Variants in PALLD observed in about 807,000 individuals in gnomAD.
PALLD encodes the protein palladin.
PALLD carries 61 observed loss-of-function variants against 123.5 expected under a neutral mutation model. The ratio of observed to expected loss-of-function variants is 0.49; its 90% confidence interval spans 0.40 to 0.61. The LOEUF is 0.61. PALLD is among the 20% of genes least tolerant of loss of function. PALLD has a pLI of 0.00. For synonymous variants in PALLD, 465 were observed against 496.4 expected (o/e 0.94, Z 0.84); for missense variants, 1,273 against 1,377.0 (o/e 0.92, Z 1.20).
At chr4:168,510,966 G>C (rs1000421804) in intron 1 of PALLD, among the ~76,000 whole-genome samples, 1 of 152,144 alleles carries the variant, frequency 6.6e-6, no homozygotes, top group Non-Finnish European at 1.5e-5. Context: ...CACATAACTG[G>C]AGACAATAAA....
chr4:168,679,375 GGTGTGTGTGT>G (rs142511113), intron 3 of PALLD, among the ~76,000 whole-genome samples: 8 of 118,340 alleles, frequency 6.8e-5, no homozygotes, highest in Admixed American at 1.6e-4. Flanking sequence ...GATGTGTGTG[GGTGTGTGTGT>G]GTGTGTGGTG....
intron 10 of PALLD, among the ~76,000 whole-genome samples, chr4:168,880,464 C>A (rs1752459924): frequency 1.3e-5 from 2 of 152,188 alleles, no homozygotes; most frequent in Non-Finnish European, 2.9e-5. Flanking sequence ...GTTTTGTCCT[C>A]AAGGAATTTT....
intron 2 of PALLD, among the ~76,000 whole-genome samples, chr4:168,531,211 G>C (rs549858253): frequency 6.6e-6 from 1 of 152,050 alleles, no homozygotes; most frequent in East Asian, 1.9e-4. Flanking sequence ...TCTACTATTT[G>C]TCAGAATGTT....
intron 6 of PALLD, among the ~76,000 whole-genome samples, chr4:168,687,639 C>T (rs17054480): frequency 0.055 from 8,444 of 152,260 alleles, 268 homozygotes; most frequent in African/African-American, 0.088. Context: ...CCGGGCTTTC[C>T]TGCATGGGTC....
intron 10 of PALLD, among the ~76,000 whole-genome samples, chr4:168,745,789 G>A (rs530195197): frequency 1.4e-5 from 2 of 143,438 alleles, no homozygotes; most frequent in South Asian, 2.1e-4. Context: ...AACTACCTGC[G>A]CTAGTTTGCA....
rs748622351 is a variant in PALLD at position 168,898,685 on chromosome 4, T to G, written c.2443T>G (p.Cys815Gly). ...IFEGMPVTFT[C>G]RVAGNPKPKI... ...TGAGGGAATGCCAGTAACTTTCACA[T>G]GTAGAGTGGCTGGAAATCCAAAGCC... The change falls in exon 14 of 22, where the codon TGT (cysteine) becomes GGT (glycine). Residue 815 changes from cysteine to glycine, a missense_variant. Around this residue, in one of 2 missense-constraint regions of PALLD, gnomAD observed 329 missense variants for 422.5 expected, o/e 0.78. Transcript: ENST00000505667. The G allele has an allele frequency of 6.2e-7, 1 of 1,613,802 alleles. No homozygotes were observed. The highest frequency in any genetic ancestry group is 8.5e-7 in the Non-Finnish European group (1 of 1,179,678).
At position 168,512,183 on chromosome 4, in the gene PALLD, C is replaced by G; in HGVS notation, c.679C>G (p.Gln227Glu). 1 of 1,613,806 alleles carries G rather than the reference C, an allele frequency of 6.2e-7. No homozygotes were observed. Among genetic ancestry groups the G allele is most frequent in the Non-Finnish European group, 8.5e-7 (1 of 1,179,816 alleles). Residue 227 changes from glutamine (Q) to glutamate (E), a missense_variant, in exon 2 of 22, where the codon CAA becomes GAA. Coordinates refer to ENST00000505667, the MANE Select transcript of PALLD (RefSeq NM_001166108.2). ...AGCCAGCCAGAGCCCTATGGAAGACCAAGGGGAGATGGAAAGAGAGGTCAA... is the reference window on the plus strand; with the variant it reads ...AGCCAGCCAGAGCCCTATGGAAGACGAAGGGGAGATGGAAAGAGAGGTCAA... Reference protein sequence around the residue: ...ASASQSPMEDQGEMEREVKSP... With the variant: ...ASASQSPMEDEGEMEREVKSP...
chr4:168,727,454 T>G (rs972557833), intron 10 of PALLD, among the ~76,000 whole-genome samples: 1 of 152,218 alleles, frequency 6.6e-6, no homozygotes, highest in Non-Finnish European at 1.5e-5. Flanking sequence ...TGATTTGCAT[T>G]TCTCTGATGA....
intron 10 of PALLD, among the ~76,000 whole-genome samples, chr4:168,724,979 G>A (rs1256014272): frequency 6.6e-6 from 1 of 152,190 alleles, no homozygotes; most frequent in Non-Finnish European, 1.5e-5. Flanking sequence ...CGACTCTGAA[G>A]CCCTGGGAAT....
intron 10 of PALLD, among the ~76,000 whole-genome samples, chr4:168,835,174 T>C (rs892558929): frequency 1.3e-5 from 2 of 152,224 alleles, no homozygotes; most frequent in African/African-American, 2.4e-5. Flanking sequence ...TCAACAATTT[T>C]GTATCAAAAC....
chr4:168,834,495 T>C (rs1744822482), intron 10 of PALLD, among the ~76,000 whole-genome samples: 1 of 152,116 alleles, frequency 6.6e-6, no homozygotes, highest in South Asian at 2.1e-4. Context: ...TCCTAGCACT[T>C]TGGGAGGCCG....
intron 8 of PALLD, among the ~76,000 whole-genome samples, chr4:168,699,808 A>T (rs1317124721): frequency 6.6e-6 from 1 of 152,172 alleles, no homozygotes; most frequent in Non-Finnish European, 1.5e-5. Flanking sequence ...TTAGTAATTT[A>T]TTAAATGCCC....
intron 2 of PALLD, among the ~76,000 whole-genome samples, chr4:168,651,120 T>C (rs1161229170): frequency 1.3e-5 from 2 of 152,226 alleles, no homozygotes; most frequent in African/African-American, 4.8e-5. Context: ...CAATTTTTCC[T>C]GAGGTTAGGA....
intron 2 of PALLD, among the ~76,000 whole-genome samples, chr4:168,617,499 C>T (rs1186784810): frequency 6.6e-6 from 1 of 152,156 alleles, no homozygotes; most frequent in African/African-American, 2.4e-5. Flanking sequence ...CAGAACAAGA[C>T]TAGGGGCCGG....
chr4:168,646,247 C>T (rs1777438337), intron 2 of PALLD, among the ~76,000 whole-genome samples: 1 of 152,202 alleles, frequency 6.6e-6, no homozygotes, highest in Non-Finnish European at 1.5e-5. Context: ...CCAAATACCC[C>T]TCCTTTGAGG....
intron 10 of PALLD, among the ~76,000 whole-genome samples, chr4:168,876,567 G>A (rs1560835175): frequency 6.6e-6 from 1 of 152,146 alleles, no homozygotes; most frequent in Non-Finnish European, 1.5e-5. Context: ...ATTATAGAAG[G>A]GAACAGAAGA....
chr4:168,629,244 C>A (rs1200892437), intron 2 of PALLD, among the ~76,000 whole-genome samples: 1 of 152,072 alleles, frequency 6.6e-6, no homozygotes, highest in Admixed American at 6.5e-5. Context: ...CAACTCCTGA[C>A]CTCAGGTGAT....
At chr4:168,703,325 T>G (rs1783881956) in intron 8 of PALLD, among the ~76,000 whole-genome samples, 1 of 131,172 alleles carries the variant, frequency 7.6e-6, no homozygotes, top group Non-Finnish European at 1.6e-5. Flanking sequence ...ACATTTGGGT[T>G]GGTTCCAAGT....
At position 168,923,006 on chromosome 4, in the gene PALLD, T is replaced by G. The variant is rs924037746; in HGVS notation, c.3059-1249T>G. ...CTCCATATATAAAATGGGAATATAA[T>G]GCCTCACAGTGCTTTCCTAAGGATT... is the stretch of plus-strand genomic sequence containing the variant. On this transcript the variant is annotated intron_variant, in intron 18 of 21. Coordinates refer to ENST00000505667, the MANE Select transcript of PALLD (RefSeq NM_001166108.2). Among the ~76,000 whole-genome samples, 15 of 152,348 alleles carry G rather than the reference T, an allele frequency of 9.8e-5. No homozygotes were observed. The East Asian group carries it at 1.5e-3, about 16-fold the overall frequency.
Sources: allele counts gnomAD v4.1 joint callset (sites outside exome capture counted in the v4.1 genomes callset), GRCh38; gene constraint gnomAD v4.1.1; regional missense constraint gnomAD v4.1.1; transcripts MANE v1.5; gene names NCBI Gene and HGNC (gene_info 2026-07-23, HGNC 2026-07-21).